The following DCLK2 variants were observed in gnomAD, a reference collection of about 807,000 sequenced individuals.
DCLK2 encodes doublecortin like kinase 2.
DCLK2 carries 31 observed loss-of-function variants against 78.4 expected under a neutral mutation model. The observed-to-expected ratio is 0.40, with a 90% confidence interval of 0.30 to 0.53. DCLK2 has a LOEUF of 0.53. Ranked by LOEUF, DCLK2 falls within the 20% of genes least tolerant of loss-of-function variation. The pLI is 0.61. For missense variants in DCLK2, 872 were observed against 973.7 expected (o/e 0.90, Z 1.39); for synonymous variants, 407 against 374.9 (o/e 1.09, Z -0.99).
intron 15 of DCLK2, among the ~76,000 whole-genome samples, chr4:150,250,881 C>CA (rs1743765235): frequency 1.4e-5 from 1 of 69,770 alleles, no homozygotes; most frequent in Non-Finnish European, 3.5e-5. Flanking sequence ...ATCCCCCACA[C>CA]TCCCCACACC....
chr4:150,253,554 C>G (rs1467280761), intron 15 of DCLK2: 1 of 1,289,648 alleles, frequency 7.8e-7, no homozygotes, highest in Non-Finnish European at 1.0e-6. Flanking sequence ...AAGCAGAATC[C>G]TGGTATTCAC....
At chr4:150,175,011 A>AAAAAAAAAAAT (rs1454035697) in intron 2 of DCLK2, among the ~76,000 whole-genome samples, 4 of 9,976 alleles carry the variant, frequency 4.0e-4, no homozygotes, top group South Asian at 2.6e-3. Context: ...AAAAAAAAAA[A>AAAAAAAAAAAT]ATATATATAT....
intron 15 of DCLK2, chr4:150,253,580 C>G: frequency 7.8e-7 from 1 of 1,289,366 alleles, no homozygotes; most frequent in South Asian, 1.2e-5. Flanking sequence ...TGCGTCCGAC[C>G]AGCGCGCCCC....
intron 2 of DCLK2, among the ~76,000 whole-genome samples, chr4:150,183,254 A>G (rs1737660917): frequency 6.6e-6 from 1 of 152,222 alleles, no homozygotes; most frequent in South Asian, 2.1e-4. Flanking sequence ...AGCCGTGGAA[A>G]ATATCTCAAG....
intron 2 of DCLK2, among the ~76,000 whole-genome samples, chr4:150,143,534 T>C (rs1734247609): frequency 6.6e-6 from 1 of 152,142 alleles, no homozygotes; most frequent in African/African-American, 2.4e-5. Flanking sequence ...GCCTTTTTAA[T>C]ATAATGATTT....
chr4:150,090,664 T>G (rs1729996002), intron 1 of DCLK2, among the ~76,000 whole-genome samples: 1 of 152,188 alleles, frequency 6.6e-6, no homozygotes, highest in African/African-American at 2.4e-5. Context: ...TTATTTGGCC[T>G]TAAGTTAAAC....
intron 1 of DCLK2, among the ~76,000 whole-genome samples, chr4:150,084,252 T>G (rs11099754): frequency 0.34 from 51,713 of 152,164 alleles, 9,163 homozygotes; most frequent in East Asian, 0.42. Context: ...ATTCATTGAT[T>G]AAATAACTCA....
intron 2 of DCLK2, among the ~76,000 whole-genome samples, chr4:150,192,911 A>C (rs554908785): frequency 9.2e-5 from 14 of 152,300 alleles, no homozygotes; most frequent in African/African-American, 3.4e-4. Flanking sequence ...ACCTGTGAAA[A>C]AGGAATATTG....
intron 2 of DCLK2, among the ~76,000 whole-genome samples, chr4:150,128,096 C>A (rs1321218304): frequency 6.6e-6 from 1 of 151,612 alleles, no homozygotes; most frequent in African/African-American, 2.4e-5. Flanking sequence ...TTTCTGGAGA[C>A]ATTGTTGGAT....
intron 6 of DCLK2, 46 bp downstream of exon 6, chr4:150,220,824 G>A: frequency 6.8e-7 from 1 of 1,464,096 alleles, no homozygotes. Context: ...AATCATGCAT[G>A]GGGACTTGGT....
At chr4:150,142,848 A>G (rs1302044874) in intron 2 of DCLK2, among the ~76,000 whole-genome samples, 1 of 150,568 alleles carries the variant, frequency 6.6e-6, no homozygotes, top group Non-Finnish European at 1.5e-5. Flanking sequence ...GAACATGCAC[A>G]TGTTTGTCAC....
intron 2 of DCLK2, among the ~76,000 whole-genome samples, chr4:150,142,281 TTAGG>T (rs1734159732): frequency 6.6e-6 from 1 of 152,164 alleles, no homozygotes; most frequent in African/African-American, 2.4e-5. Flanking sequence ...ACACAGTGTC[TTAGG>T]TAGTGTCATC....
rs1372899313 is a variant in DCLK2 at position 150,079,070 on chromosome 4, C to T, written c.43C>T (p.Arg15Trp). Residue 15 changes from arginine to tryptophan, a missense_variant, in exon 1 of 16, where the codon CGG becomes TGG. Physicochemically the swap from Arg to Trp is moderately radical, Grantham distance 101. Coordinates refer to ENST00000296550, the MANE Select transcript of DCLK2 (RefSeq NM_001040260.4). ...RSIELEHFEE[R>W]DKRPRPGSRR... The stretch of plus-strand genomic sequence containing the variant: ...TATCGAGCTGGAGCACTTTGAGGAA[C>T]GGGACAAAAGGCCGCGGCCGGGGTC... 1.3e-6 allele frequency: 2 copies of T among 1,557,910 alleles called. No homozygotes were observed. Among genetic ancestry groups the T allele is most frequent in the East Asian group, 2.2e-5 (1 of 44,448 alleles).
At chr4:150,089,994 CTTG>C (rs747579373) in intron 1 of DCLK2, among the ~76,000 whole-genome samples, 87 of 152,260 alleles carry the variant, frequency 5.7e-4, no homozygotes, top group Non-Finnish European at 1.1e-3. Flanking sequence ...TCCCTTTTTC[CTTG>C]TTGATTCCTG....
chr4:150,219,846 CAAGT>C (rs977347389), intron 5 of DCLK2, among the ~76,000 whole-genome samples: 16 of 152,082 alleles, frequency 1.1e-4, no homozygotes, highest in Admixed American at 6.5e-4. Flanking sequence ...ACACATTAGA[CAAGT>C]AGGTAGGGGG....
chr4:150,169,752 GT>G (rs2150256794), intron 2 of DCLK2, among the ~76,000 whole-genome samples: 1 of 152,166 alleles, frequency 6.6e-6, no homozygotes, highest in East Asian at 1.9e-4. Context: ...TACAGAAACA[GT>G]TTTATTGGTT....
At chr4:150,143,586 C>G (rs1734252549) in intron 2 of DCLK2, among the ~76,000 whole-genome samples, 1 of 152,084 alleles carries the variant, frequency 6.6e-6, no homozygotes, top group Non-Finnish European at 1.5e-5. Context: ...ATTGCTGGAT[C>G]GAATAGTAGT....
intron 2 of DCLK2, among the ~76,000 whole-genome samples, chr4:150,175,839 A>G (rs1287848580): frequency 6.6e-6 from 1 of 152,008 alleles, no homozygotes; most frequent in African/African-American, 2.4e-5. Context: ...GCCTCTTGGC[A>G]TTGGAGAAGC....
intron 12 of DCLK2, among the ~76,000 whole-genome samples, chr4:150,242,902 G>A (rs376032830): frequency 4.6e-5 from 7 of 151,572 alleles, no homozygotes; most frequent in African/African-American, 1.7e-4. Flanking sequence ...GTGATGTCAT[G>A]TTTTGGGAGA....
Sources: allele counts gnomAD v4.1 joint callset (sites outside exome capture counted in the v4.1 genomes callset), GRCh38; gene constraint gnomAD v4.1.1; transcripts MANE v1.5; gene names NCBI Gene and HGNC (gene_info 2026-07-23, HGNC 2026-07-21).